Variants in SEPTIN11 observed in about 807,000 individuals in gnomAD.
SEPTIN11 encodes the protein septin-11.
SEPTIN11 carries 25 observed loss-of-function variants against 51.4 expected under a neutral mutation model. The observed-to-expected ratio is 0.49, with a 90% confidence interval of 0.35 to 0.68. The LOEUF (loss-of-function observed/expected upper bound fraction) is 0.68, where lower values mean the gene tolerates loss of function less well. SEPTIN11 is among the 30% of genes least tolerant of loss of function. The probability of loss-of-function intolerance (pLI) is 0.00; values close to 1 mark genes in which losing one functional copy is unlikely to be tolerated. For missense variants in SEPTIN11, 381 were observed against 520.8 expected (o/e 0.73, Z 2.61); for synonymous variants, 174 against 184.1 (o/e 0.95, Z 0.44).
At chr4:76,974,790 G>A in intron 1 of SEPTIN11, 1 of 456,692 alleles carries the variant, frequency 2.2e-6, no homozygotes, top group Non-Finnish European at 4.4e-6. Context: ...GGTCCTCAAT[G>A]CAGTTGGATA....
Position 77,036,855 on chromosome 4 carries a change from A to G in SEPTIN11, c.*2343A>G, listed in dbSNP as rs1485528953. On this transcript the variant is annotated 3_prime_UTR_variant, in exon 10 of 10. Coordinates refer to ENST00000264893, the MANE Select transcript of SEPTIN11 (RefSeq NM_018243.4). ...CTTTGCATGTAAGTACGGTAGTAAG[A>G]AACCTTTGAGATCTTTCTGACTTTT... is the stretch of plus-strand genomic sequence containing the variant. 14 of 1,464,426 alleles carry G rather than the reference A, an allele frequency of 9.6e-6. No individual in the cohort carries two copies. Among genetic ancestry groups the G allele is most frequent in the Non-Finnish European group, 1.2e-5 (13 of 1,117,734 alleles). The allele number at this position is 1,464,426 out of a possible 1,614,324, so 90.7% of individuals were successfully genotyped here. A position where few individuals can be genotyped will look rare whatever the true frequency, so the allele number is the denominator to read the frequency against.
chr4:77,011,915 C>CA lies in SEPTIN11; in HGVS notation c.520dup (p.Ser174LysfsTer2). The CA allele has an allele frequency of 6.2e-7, 1 of 1,613,448 alleles. No homozygotes were observed. The highest frequency in any genetic ancestry group is 8.5e-7 in the Non-Finnish European group (1 of 1,179,534). On this transcript the variant is annotated frameshift_variant, in exon 4 of 10. Transcript: ENST00000264893. LOFTEE classifies it high-confidence loss of function. The stretch of plus-strand genomic sequence containing the variant: ...ATCTGGTCACCATGAAAAAGCTGGA[C>CA]AGTAAGGTACTTGCTGCCATTCTGA...
intron 8 of SEPTIN11, among the ~76,000 whole-genome samples, chr4:77,029,798 A>G (rs931690294): frequency 6.6e-6 from 1 of 151,952 alleles, no homozygotes; most frequent in African/African-American, 2.4e-5. Flanking sequence ...ATACACACAC[A>G]TATACACACA....
intron 1 of SEPTIN11, among the ~76,000 whole-genome samples, chr4:76,986,181 G>C (rs1723017836): frequency 6.6e-6 from 1 of 152,130 alleles, no homozygotes; most frequent in African/African-American, 2.4e-5. Context: ...GTCTATAACT[G>C]TGCAGATTTT....
chr4:76,977,865 A>G (rs1722575012), intron 1 of SEPTIN11, among the ~76,000 whole-genome samples: 1 of 152,126 alleles, frequency 6.6e-6, no homozygotes, highest in African/African-American at 2.4e-5. Flanking sequence ...TTTTGGTAAT[A>G]CAAGCATATG....
chr4:76,974,769 A>C (rs958839122), intron 1 of SEPTIN11: 2 of 456,744 alleles, frequency 4.4e-6, no homozygotes, highest in Non-Finnish European at 8.8e-6. Flanking sequence ...GAATGAATCA[A>C]GTTTAACTTA....
chr4:77,013,040 CA>C (rs1247770808), intron 4 of SEPTIN11, among the ~76,000 whole-genome samples: 1 of 152,212 alleles, frequency 6.6e-6, no homozygotes, highest in East Asian at 1.9e-4. Context: ...TCCTTGGAAG[CA>C]GGGGCAGACC....
chr4:77,027,255 C>A (rs1726227451), intron 7 of SEPTIN11, among the ~76,000 whole-genome samples: 1 of 152,182 alleles, frequency 6.6e-6, no homozygotes, highest in Admixed American at 6.5e-5. Flanking sequence ...CCTGCCCCAG[C>A]CTCCCAAGTA....
chr4:76,980,114 A>G (rs1231163532), intron 1 of SEPTIN11, among the ~76,000 whole-genome samples: 1 of 152,154 alleles, frequency 6.6e-6, no homozygotes, highest in East Asian at 1.9e-4. Context: ...AAAGTGGTAG[A>G]GCCTGTTGCC....
chr4:77,022,028 C>T (rs938633823), intron 7 of SEPTIN11, among the ~76,000 whole-genome samples: 15 of 152,128 alleles, frequency 9.9e-5, no homozygotes, highest in South Asian at 4.1e-4. Context: ...TGTTCTGAGG[C>T]GAGGTGTAGG....
intron 5 of SEPTIN11, 44 bp from the exon 6 acceptor site, chr4:77,019,121 C>G (rs915080217): frequency 1.3e-6 from 2 of 1,556,778 alleles, no homozygotes; most frequent in Non-Finnish European, 1.8e-6. Context: ...ACCAGTCTGT[C>G]AGAGCAGGGG....
chr4:77,005,472 G>A, intron 2 of SEPTIN11, 129 bp from the exon 3 acceptor site: 1 of 770,440 alleles, frequency 1.3e-6, no homozygotes, highest in Non-Finnish European at 2.1e-6. Context: ...TCTCTTCACA[G>A]TGACATTTCT....
At chr4:76,981,933 T>C (rs1189853888) in intron 1 of SEPTIN11, among the ~76,000 whole-genome samples, 1 of 152,174 alleles carries the variant, frequency 6.6e-6, no homozygotes, top group Non-Finnish European at 1.5e-5. Context: ...GAAAAGTCTT[T>C]CATGACGTGG....
chr4:77,016,482 A>G lies in SEPTIN11; in HGVS notation c.687+1465A>G, dbSNP rs184582555. On this transcript the variant is annotated intron_variant, in intron 5 of 9. Transcript: ENST00000264893. The stretch of plus-strand genomic sequence containing the variant: ...CAATAAAAACAATAATACAAAATAT[A>G]TATATATATGTGTATATATATAGCA... Among the ~76,000 whole-genome samples the G allele has an allele frequency of 3.3e-4, 48 of 146,550 alleles. No individual in the cohort carries two copies. The East Asian group carries it at 9.3e-3, about 28-fold the overall frequency.
chr4:76,972,617 C>G (rs189234507), intron 1 of SEPTIN11: 1 of 152,128 alleles, frequency 6.6e-6, no homozygotes, highest in Non-Finnish European at 1.5e-5. Context: ...TTGTAATTAG[C>G]AGTTGAGTAC....
At position 77,032,757 on chromosome 4, in the gene SEPTIN11, G is replaced by A. The variant is rs60722520; in HGVS notation, c.1275-1740G>A. Among the ~76,000 whole-genome samples, 1,260 of 152,256 alleles carry A rather than the reference G, an allele frequency of 8.3e-3. 19 individuals carry two copies. Among genetic ancestry groups the A allele is most frequent in the African/African-American group, 0.028 (1,183 of 41,552 alleles). Reference sequence around the variant, plus strand: ...ACCAGCAATGTTAAAAGAGTATTTCGTGTATACTAGACGTGCCTTTAAGCA... The same window carrying A: ...ACCAGCAATGTTAAAAGAGTATTTCATGTATACTAGACGTGCCTTTAAGCA... On this transcript the variant is annotated intron_variant, in intron 9 of 9. Transcript: ENST00000264893.
intron 6 of SEPTIN11, among the ~76,000 whole-genome samples, chr4:77,020,260 C>G (rs753193531): frequency 1.3e-5 from 2 of 152,174 alleles, no homozygotes; most frequent in Non-Finnish European, 2.9e-5. Context: ...AAGCTCCTCC[C>G]TCTGTGCTCT....
intron 1 of SEPTIN11, among the ~76,000 whole-genome samples, chr4:76,952,257 C>T (rs1721380886): frequency 1.3e-5 from 2 of 152,140 alleles, no homozygotes; most frequent in Non-Finnish European, 2.9e-5. Context: ...CATTTCTTAT[C>T]TAGTCTGTGA....
At chr4:76,971,206 T>C (rs1328216174) in intron 1 of SEPTIN11, among the ~76,000 whole-genome samples, 1 of 152,212 alleles carries the variant, frequency 6.6e-6, no homozygotes, top group Non-Finnish European at 1.5e-5. Context: ...CTTCATAGTT[T>C]CAATATAGTT....
Sources: allele counts gnomAD v4.1 joint callset (sites outside exome capture counted in the v4.1 genomes callset), GRCh38; gene constraint gnomAD v4.1.1; transcripts MANE v1.5; gene names NCBI Gene and HGNC (gene_info 2026-07-23, HGNC 2026-07-21).